NPTN: variants seen among roughly 807,000 people sequenced by gnomAD.
The protein encoded by NPTN is SDR-1.
A neutral mutation model predicts 42.7 loss-of-function variants in NPTN; 5 were observed. The observed-to-expected ratio is 0.12, with a 90% CI of 0.06 to 0.25. NPTN has a LOEUF of 0.25. Among genes scored for constraint, NPTN ranks in the 10% least tolerant of loss-of-function variants. The pLI is 1.00. For missense variants in NPTN, 307 were observed against 525.4 expected, an observed-to-expected ratio of 0.58 and a Z score of 4.06; for synonymous variants, 180 against 201.9, an observed-to-expected ratio of 0.89 and a Z score of 0.92.
chr15:73,633,011 C>CG (rs1898845408), intron 1 of NPTN, 114 bp downstream of exon 1: 1 of 729,374 alleles, frequency 1.4e-6, no homozygotes, highest in Admixed American at 4.3e-5. Context: ...GCCCCTCAGA[C>CG]GCCCACTCGG....
chr15:73,616,880 T>C (rs1897888813), intron 1 of NPTN, among the ~76,000 whole-genome samples: 1 of 152,180 alleles, frequency 6.6e-6, no homozygotes, highest in African/African-American at 2.4e-5. Context: ...ATTAAATGTG[T>C]GAACACTGAA....
At chr15:73,591,869 C>G in intron 3 of NPTN, 97 bp downstream of exon 3, 1 of 1,189,594 alleles carries the variant, frequency 8.4e-7, no homozygotes, top group Middle Eastern at 2.9e-4. Flanking sequence ...AAATATATCT[C>G]ATGTCCCTTC....
intron 2 of NPTN, among the ~76,000 whole-genome samples, chr15:73,595,265 T>C (rs1179407415): frequency 2.0e-5 from 3 of 152,188 alleles, no homozygotes; most frequent in Non-Finnish European, 4.4e-5. Flanking sequence ...CAGACCTTTG[T>C]GGCCATGTAG....
At chr15:73,617,382 T>A (rs992903802) in intron 1 of NPTN, among the ~76,000 whole-genome samples, 30 of 152,356 alleles carry the variant, frequency 2.0e-4, no homozygotes, top group African/African-American at 6.7e-4. Flanking sequence ...AAAAGCTGAA[T>A]GAAATAATTC....
intron 1 of NPTN, chr15:73,599,725 A>AT (rs1411504623): frequency 6.6e-6 from 1 of 152,208 alleles, no homozygotes; most frequent in Non-Finnish European, 1.5e-5. Context: ...AGAAAACTGG[A>AT]TATCAGTAAA....
chr15:73,584,715 T>C (rs1035303559), intron 4 of NPTN, among the ~76,000 whole-genome samples: 1 of 147,454 alleles, frequency 6.8e-6, no homozygotes, highest in Non-Finnish European at 1.5e-5. Context: ...CTGAGAAACG[T>C]AACCCTCAAC....
intron 1 of NPTN, among the ~76,000 whole-genome samples, chr15:73,613,175 A>T (rs1897675736): frequency 6.6e-6 from 1 of 152,238 alleles, no homozygotes; most frequent in Admixed American, 6.5e-5. Flanking sequence ...TTTGTGATTT[A>T]AAAACCTTCC....
At position 73,560,106 on chromosome 15, in the gene NPTN, A is replaced by ATGCATCTACAATT. The variant is rs1894571535; in HGVS notation, c.*944_*956dup. The ATGCATCTACAATT allele has an allele frequency of 2.0e-6, 1 of 501,594 alleles. No individual in the cohort carries two copies. Among genetic ancestry groups the ATGCATCTACAATT allele is most frequent in the Non-Finnish European group, 3.4e-6 (1 of 292,412 alleles). The allele number at this position is 501,594 out of a possible 1,614,324, so 31.1% of individuals were successfully genotyped here. On this transcript the variant is annotated 3_prime_UTR_variant, in exon 9 of 9. Coordinates refer to ENST00000345330, the MANE Select transcript of NPTN (RefSeq NM_012428.4). ...ATAATTACACAAAACACACAAGTAC[A>ATGCATCTACAATT]TGCATCTACAATTACGCACCGCATG...
At chr15:73,626,956 C>T (rs554212412) in intron 1 of NPTN, among the ~76,000 whole-genome samples, 2 of 152,200 alleles carry the variant, frequency 1.3e-5, no homozygotes, top group East Asian at 1.9e-4. Flanking sequence ...ATATTTCAGC[C>T]GGGCACAGTG....
At position 73,567,036 on chromosome 15, in the gene NPTN, TA is replaced by T. The variant is rs765541052; in HGVS notation, c.1114+3113del. The T allele has an allele frequency of 8.2e-6, 6 of 731,886 alleles. No homozygotes were observed. In the African/African-American group the frequency reaches 1.2e-4, roughly 15 times the overall value. The allele number at this position is 731,886 out of a possible 1,614,324, so 45.3% of individuals were successfully genotyped here. ...TTTTTTTTTTTTTAAAGGAAGCAGC[TA>T]AACCTCAATCCTAAGCATTTTCAAT... On this transcript the variant is annotated intron_variant, in intron 6 of 8. Transcript: ENST00000345330.
intron 1 of NPTN, among the ~76,000 whole-genome samples, chr15:73,608,823 G>C (rs1054142590): frequency 6.6e-6 from 1 of 152,188 alleles, no homozygotes; most frequent in African/African-American, 2.4e-5. Context: ...TTACAAGATA[G>C]AATCAAATGA....
Position 73,560,049 on chromosome 15 carries a change from G to A in NPTN, c.*1014C>T, listed in dbSNP as rs1371817925. On this transcript the variant is annotated 3_prime_UTR_variant, in exon 9 of 9. Coordinates refer to ENST00000345330, the MANE Select transcript of NPTN (RefSeq NM_012428.4). ...CAATGTTTTATTTTTAAAAACAGGT[G>A]AATCCACTTTTTTATACATCATTGC... The A allele has an allele frequency of 2.5e-6, 2 of 815,612 alleles. No individual in the cohort carries two copies. Among genetic ancestry groups the A allele is most frequent in the African/African-American group, 1.8e-5 (1 of 54,848 alleles). 50.5% of individuals were successfully genotyped at this position (815,612 alleles called of 1,614,324 possible). A position where few individuals can be genotyped will look rare whatever the true frequency, so the allele number is the denominator to read the frequency against.
intron 6 of NPTN, chr15:73,563,555 A>G: frequency 8.3e-7 from 1 of 1,205,712 alleles, no homozygotes; most frequent in Non-Finnish European, 1.0e-6. Context: ...TGTTATACTC[A>G]TCTTGTCCCC....
At chr15:73,618,205 T>C (rs555603820) in intron 1 of NPTN, among the ~76,000 whole-genome samples, 1 of 152,342 alleles carries the variant, frequency 6.6e-6, no homozygotes, top group African/African-American at 2.4e-5. Flanking sequence ...TGACTAGGCC[T>C]TGAAGACCAG....
chr15:73,633,299 G>A lies in NPTN; in HGVS notation c.-84C>T. 1 of 974,374 alleles carries A rather than the reference G, an allele frequency of 1.0e-6. No individual in the cohort carries two copies. The highest frequency in any genetic ancestry group is 3.8e-5 in the Admixed American group (1 of 26,396). The allele number at this position is 974,374 out of a possible 1,614,324, so 60.4% of individuals were successfully genotyped here. A position where few individuals can be genotyped will look rare whatever the true frequency, so the allele number is the denominator to read the frequency against. ...GGGAGGGGAGGGAGGGAGGGGGCGG[G>A]CGAGTGCGCGAGGGAGTGAGCGAGG... On this transcript the variant is annotated 5_prime_UTR_variant, in exon 1 of 9. Coordinates refer to ENST00000345330, the MANE Select transcript of NPTN (RefSeq NM_012428.4).
chr15:73,570,382 CTTG>C lies in NPTN; in HGVS notation c.879_881del (p.Asn293del). 1 of 1,613,764 alleles carries C rather than the reference CTTG, an allele frequency of 6.2e-7. No homozygotes were observed. The highest frequency in any genetic ancestry group is 8.5e-7 in the Non-Finnish European group (1 of 1,179,972). On this transcript the variant is annotated inframe_deletion, in exon 6 of 9. Transcript: ENST00000345330. This position sits in a 1 kb window ranked among gnomAD's most constrained non-coding sequence, Gnocchi z 4.0. ...CAATGTTCAACTCAGTGTAATTTTC[CTTG>C]TTGATGATGAAGAAGCGGCCAGAGG... is the stretch of plus-strand genomic sequence containing the variant.
intron 1 of NPTN, among the ~76,000 whole-genome samples, chr15:73,628,269 TCAAA>T (rs974452221): frequency 7.2e-5 from 11 of 152,172 alleles, no homozygotes; most frequent in Non-Finnish European, 1.2e-4. Flanking sequence ...CGGATGCTCC[TCAAA>T]CAAAGATTCA....
In NPTN at chr15:73,620,765, T is replaced by G. The variant is rs559269817; in HGVS notation, c.91+12360A>C. Among the ~76,000 whole-genome samples the G allele has an allele frequency of 5.9e-5, 9 of 152,340 alleles. No homozygotes were observed. In the South Asian group the frequency reaches 1.9e-3, roughly 32 times the overall value. On this transcript the variant is annotated intron_variant, in intron 1 of 8. Coordinates refer to ENST00000345330, the MANE Select transcript of NPTN (RefSeq NM_012428.4). ...ACTCTACCAAGAGCTGTTCACCTTT[T>G]CAGAAAATCACATTATCAACAGCAA...
At position 73,595,861 on chromosome 15, in the gene NPTN, G is replaced by A. The variant is rs577182795; in HGVS notation, c.439+1161C>T. Among the ~76,000 whole-genome samples, 7 of 151,946 alleles carry A rather than the reference G, an allele frequency of 4.6e-5. No homozygotes were observed. The East Asian group carries it at 1.4e-3, about 29-fold the overall frequency. On this transcript the variant is annotated intron_variant, in intron 2 of 8. Coordinates refer to ENST00000345330, the MANE Select transcript of NPTN (RefSeq NM_012428.4). Reference sequence around the variant, plus strand: ...GGTAGCAAGTCACTTTCAAGAAAGAGAGAGAAGTGGCCACAAAAGTCCCGG... The same window carrying A: ...GGTAGCAAGTCACTTTCAAGAAAGAAAGAGAAGTGGCCACAAAAGTCCCGG...
Sources: allele counts gnomAD v4.1 joint callset (sites outside exome capture counted in the v4.1 genomes callset), GRCh38; gene constraint gnomAD v4.1.1; non-coding constraint Gnocchi (gnomAD v3.1); transcripts MANE v1.5; gene names NCBI Gene and HGNC (gene_info 2026-07-23, HGNC 2026-07-21).